The following FHIP1A variants were observed in gnomAD, a reference collection of about 807,000 sequenced individuals.
The protein encoded by FHIP1A is FHF complex subunit HOOK-interacting protein 1A.
In FHIP1A, 61 loss-of-function variants were observed where a neutral mutation model predicts 88.6. That is an observed-to-expected ratio of 0.69 (90% CI 0.56 to 0.85). FHIP1A has a LOEUF of 0.85. Among genes scored for constraint, FHIP1A ranks in the 40% least tolerant of loss-of-function variants. The pLI is 0.00. For missense variants in FHIP1A, 1,154 were observed against 1,273.5 expected, an observed-to-expected ratio of 0.91 and a Z score of 1.43; for synonymous variants, 478 against 496.0, an observed-to-expected ratio of 0.96 and a Z score of 0.48.
intron 4 of FHIP1A, among the ~76,000 whole-genome samples, chr4:151,575,135 T>C (rs937539486): frequency 2.0e-5 from 3 of 152,182 alleles, no homozygotes; most frequent in African/African-American, 7.2e-5. Context: ...GTTTAGACAG[T>C]CTGGGCACAC....
At chr4:151,547,121 C>T (rs1429260880) in intron 3 of FHIP1A, among the ~76,000 whole-genome samples, 4 of 152,130 alleles carry the variant, frequency 2.6e-5, no homozygotes, top group East Asian at 1.9e-4. Flanking sequence ...CAGTGGTACC[C>T]TTGATTTGCT....
At chr4:151,600,055 T>C (rs1734804377) in intron 7 of FHIP1A, among the ~76,000 whole-genome samples, 1 of 152,214 alleles carries the variant, frequency 6.6e-6, no homozygotes, top group Non-Finnish European at 1.5e-5. Flanking sequence ...CATCTTTGCA[T>C]TGCATCATCA....
chr4:151,524,689 T>A (rs1490622910), intron 3 of FHIP1A, among the ~76,000 whole-genome samples: 1 of 152,210 alleles, frequency 6.6e-6, no homozygotes, highest in Non-Finnish European at 1.5e-5. Flanking sequence ...AAGCACTTTA[T>A]CAGTTTTAAT....
chr4:151,499,739 C>T (rs1730583838), intron 3 of FHIP1A, among the ~76,000 whole-genome samples: 2 of 152,142 alleles, frequency 1.3e-5, no homozygotes, highest in African/African-American at 4.8e-5. Context: ...GCAAACACAT[C>T]CTTCTTCACA....
At chr4:151,439,917 A>G (rs1728343636) in intron 1 of FHIP1A, among the ~76,000 whole-genome samples, 1 of 152,128 alleles carries the variant, frequency 6.6e-6, no homozygotes. Flanking sequence ...TTTAGTTATT[A>G]CGTTTATTGT....
intron 2 of FHIP1A, among the ~76,000 whole-genome samples, chr4:151,472,818 A>G (rs188655363): frequency 9.9e-5 from 15 of 152,144 alleles, no homozygotes; most frequent in Non-Finnish European, 2.1e-4. Flanking sequence ...CATGCAGCAC[A>G]TTTAGGACTT....
intron 3 of FHIP1A, among the ~76,000 whole-genome samples, chr4:151,536,300 T>A (rs1732065505): frequency 6.6e-6 from 1 of 152,238 alleles, no homozygotes; most frequent in Admixed American, 6.5e-5. Context: ...TAGTTTTACT[T>A]GTGCTCTTTG....
Position 151,662,621 on chromosome 4 carries a change from C to A in FHIP1A, c.2990C>A (p.Pro997His). 6.4e-7 allele frequency: 1 copy of A among 1,551,674 alleles called. No homozygotes were observed. The highest frequency in any genetic ancestry group is 8.7e-7 in the Non-Finnish European group (1 of 1,146,986). Residue 997 changes from proline to histidine, a missense_variant, in exon 14 of 14, where the codon CCC becomes CAC. Pro to His is a moderately conservative substitution (Grantham distance 77, BLOSUM62 -2). Coordinates refer to ENST00000435205, the MANE Select transcript of FHIP1A (RefSeq NM_001109977.3). Reference protein sequence around the residue: ...TKVAEAPPNLPLPVRNPMLAA... With the variant: ...TKVAEAPPNLHLPVRNPMLAA... Reference sequence around the variant, plus strand: ...GTGGCTGAGGCACCCCCCAACCTGCCCCTGCCGGTGAGGAACCCCATGCTG... The same window carrying A: ...GTGGCTGAGGCACCCCCCAACCTGCACCTGCCGGTGAGGAACCCCATGCTG...
At chr4:151,521,095 A>G (rs968651317) in intron 3 of FHIP1A, among the ~76,000 whole-genome samples, 9 of 152,202 alleles carry the variant, frequency 5.9e-5, no homozygotes, top group African/African-American at 1.9e-4. Flanking sequence ...AAAGACATTT[A>G]GTTGTGTAAA....
rs527587292 is a variant in FHIP1A, at chr4:151,415,468, A to G, written c.-356+6003A>G. Among the ~76,000 whole-genome samples the G allele has an allele frequency of 2.6e-5, 4 of 152,242 alleles. No homozygotes were observed. The South Asian group carries it at 8.3e-4, about 32-fold the overall frequency. On this transcript the variant is annotated intron_variant, in intron 1 of 13. Transcript: ENST00000435205. ...GCTGGGATTACAGGCGTGAGCCACCATGCCTGGCCCTATAACATGGTTTAT... is the reference window on the plus strand; with the variant it reads ...GCTGGGATTACAGGCGTGAGCCACCGTGCCTGGCCCTATAACATGGTTTAT...
At chr4:151,439,921 T>G (rs1443784672) in intron 1 of FHIP1A, among the ~76,000 whole-genome samples, 3 of 152,228 alleles carry the variant, frequency 2.0e-5, no homozygotes, top group African/African-American at 7.2e-5. Context: ...GTTATTACGT[T>G]TATTGTCTCT....
chr4:151,632,742 G>T (rs2126882038), intron 8 of FHIP1A, among the ~76,000 whole-genome samples: 1 of 152,056 alleles, frequency 6.6e-6, no homozygotes, highest in Middle Eastern at 3.4e-3. Context: ...GGCCAAAGAA[G>T]AAATCACAAG....
At chr4:151,467,582 T>C (rs1396759190) in intron 2 of FHIP1A, among the ~76,000 whole-genome samples, 1 of 152,032 alleles carries the variant, frequency 6.6e-6, no homozygotes, top group African/African-American at 2.4e-5. Context: ...CCCAAACACC[T>C]ATCAGTGATG....
At chr4:151,539,563 A>T (rs1421309643) in intron 3 of FHIP1A, among the ~76,000 whole-genome samples, 22 of 39,796 alleles carry the variant, frequency 5.5e-4, no homozygotes, top group Non-Finnish European at 1.2e-3. Flanking sequence ...GACTCTGTCT[A>T]AAAAAAAAAA....
At chr4:151,635,919 T>A (rs540890393) in intron 8 of FHIP1A, among the ~76,000 whole-genome samples, 24 of 152,106 alleles carry the variant, frequency 1.6e-4, no homozygotes, top group African/African-American at 5.5e-4. Context: ...TTAATACAGA[T>A]TCTTCACAGA....
intron 3 of FHIP1A, among the ~76,000 whole-genome samples, chr4:151,549,579 G>A (rs892848027): frequency 1.3e-5 from 2 of 151,696 alleles, no homozygotes; most frequent in African/African-American, 4.8e-5. Context: ...GCCTTTCCCA[G>A]GAAACTCATG....
At chr4:151,633,332 A>G (rs1375378094) in intron 8 of FHIP1A, among the ~76,000 whole-genome samples, 3 of 151,892 alleles carry the variant, frequency 2.0e-5, no homozygotes, top group African/African-American at 7.2e-5. Flanking sequence ...GAAAAATCTT[A>G]AAGAAAAACC....
In FHIP1A at chr4:151,656,066, G is replaced by A. The variant is rs746477096; in HGVS notation, c.2552-166G>A. On this transcript the variant is annotated intron_variant, in intron 11 of 13. Coordinates refer to ENST00000435205, the MANE Select transcript of FHIP1A (RefSeq NM_001109977.3). The surrounding 1 kb of genome is among the most constrained non-coding windows in gnomAD (Gnocchi z 4.2). ...TTTTTGCCATGGTGGTTTGTTTTCC[G>A]TTTTGGTTTTGAGGCAGGAGAAAAC... 2.6e-5 allele frequency among the ~76,000 whole-genome samples: 4 copies of A among 151,806 alleles called. No homozygotes were observed. Among genetic ancestry groups the A allele is most frequent in the African/African-American group, 2.4e-5 (1 of 41,278 alleles).
At chr4:151,625,075 C>T in intron 7 of FHIP1A, among the ~76,000 whole-genome samples, 1 of 152,186 alleles carries the variant, frequency 6.6e-6, no homozygotes, top group East Asian at 1.9e-4. Flanking sequence ...TGTCCGTTGG[C>T]TTGGCTCTCT....
Sources: gnomAD v4.1 joint callset for allele counts (sites outside exome capture counted in the v4.1 genomes callset) on GRCh38, gnomAD v4.1.1 for gene constraint, Gnocchi (gnomAD v3.1) non-coding constraint, MANE v1.5 for transcripts, NCBI Gene and HGNC (gene_info 2026-07-23, HGNC 2026-07-21) for gene names.